PCDH9: variants seen among roughly 807,000 people sequenced by gnomAD.
The protein encoded by PCDH9 is protocadherin 9.
In PCDH9, 24 loss-of-function variants were observed where a neutral mutation model predicts 70.6. That is an observed-to-expected ratio of 0.34 (90% confidence interval 0.25 to 0.48). The LOEUF is 0.48. PCDH9 is among the 20% of genes least tolerant of loss of function. The pLI is 0.99. For missense variants in PCDH9, 1,281 were observed against 1,503.6 expected (o/e 0.85, Z 2.45); for synonymous variants, 562 against 558.5 (o/e 1.01, Z -0.09).
intron 3 of PCDH9, among the ~76,000 whole-genome samples, chr13:66,833,235 A>C (rs900036715): frequency 6.6e-6 from 1 of 152,162 alleles, no homozygotes; most frequent in Non-Finnish European, 1.5e-5. Context: ...TAATATGCCC[A>C]AACTTATTTC....
intron 3 of PCDH9, among the ~76,000 whole-genome samples, chr13:66,678,142 C>A (rs149937028): frequency 6.6e-6 from 1 of 152,070 alleles, no homozygotes; most frequent in African/African-American, 2.4e-5. Context: ...TGTTACGTTA[C>A]AGTTCTCATT....
At chr13:66,848,561 C>G (rs1039095754) in intron 3 of PCDH9, among the ~76,000 whole-genome samples, 1 of 152,080 alleles carries the variant, frequency 6.6e-6, no homozygotes, top group Non-Finnish European at 1.5e-5. Flanking sequence ...ACTCTACAAC[C>G]CAAATCTTAT....
intron 3 of PCDH9, among the ~76,000 whole-genome samples, chr13:66,746,606 G>A (rs1225405419): frequency 6.6e-6 from 1 of 152,024 alleles, no homozygotes; most frequent in African/African-American, 2.4e-5. Context: ...AATACTTTGA[G>A]AAAAGTGAAA....
At chr13:66,871,300 A>T (rs1362246333) in intron 3 of PCDH9, among the ~76,000 whole-genome samples, 1 of 151,876 alleles carries the variant, frequency 6.6e-6, no homozygotes, top group Non-Finnish European at 1.5e-5. Flanking sequence ...ATGACAAGTT[A>T]ATGGGTGCAG....
At chr13:66,884,789 CCCA>C (rs2081981055) in intron 3 of PCDH9, among the ~76,000 whole-genome samples, 1 of 152,000 alleles carries the variant, frequency 6.6e-6, no homozygotes, top group South Asian at 2.1e-4. Context: ...TTTTTCATCT[CCCA>C]AAACATTACT....
chr13:66,785,989 C>T (rs147035072), intron 3 of PCDH9, among the ~76,000 whole-genome samples: 171 of 152,168 alleles, frequency 1.1e-3, no homozygotes, highest in Non-Finnish European at 2.1e-3. Flanking sequence ...GCCTATAGAG[C>T]GCTGCCCAGC....
At chr13:66,920,743 A>T (rs1439707519) in intron 2 of PCDH9, among the ~76,000 whole-genome samples, 3 of 151,230 alleles carry the variant, frequency 2.0e-5, no homozygotes, top group Non-Finnish European at 4.5e-5. Flanking sequence ...CATACTCCAA[A>T]TCAATTATAT....
chr13:67,123,384 C>T (rs996427715), intron 2 of PCDH9, among the ~76,000 whole-genome samples: 18 of 152,172 alleles, frequency 1.2e-4, no homozygotes, highest in African/African-American at 2.7e-4. Context: ...TGCTCCAACA[C>T]GGCAACTCTA....
chr13:66,430,637 C>T (rs1031957219), intron 4 of PCDH9, among the ~76,000 whole-genome samples: 1 of 151,990 alleles, frequency 6.6e-6, no homozygotes, highest in Non-Finnish European at 1.5e-5. Context: ...GCTTCCTTAC[C>T]CTGCTTTCTT....
intron 2 of PCDH9, among the ~76,000 whole-genome samples, chr13:67,052,293 C>G (rs1240429237): frequency 1.3e-5 from 2 of 151,896 alleles, no homozygotes; most frequent in Non-Finnish European, 2.9e-5. Context: ...TATAAGTTAG[C>G]CCTTTAATAA....
At chr13:66,336,365 T>C (rs963663028) in intron 4 of PCDH9, among the ~76,000 whole-genome samples, 4 of 151,922 alleles carry the variant, frequency 2.6e-5, no homozygotes, top group Non-Finnish European at 5.9e-5. Context: ...AAAATCACAA[T>C]AGAGACCTGA....
rs376569898 is a variant in PCDH9, at chr13:66,948,294, G to C, written c.3037-44689C>G. 1.7e-3 allele frequency among the ~76,000 whole-genome samples: 258 copies of C among 152,196 alleles called. 1 individual carries two copies. Among genetic ancestry groups the C allele is most frequent in the African/African-American group, 5.7e-3 (237 of 41,560 alleles). On this transcript the variant is annotated intron_variant, in intron 2 of 4. Transcript: ENST00000377865. ...TCATGCCAGTATAGTTTCTAGAATA[G>C]AGTAGGAATTTAATAGATAGCTTGT... is the stretch of plus-strand genomic sequence containing the variant.
At chr13:67,002,493 C>G (rs369208056) in intron 2 of PCDH9, among the ~76,000 whole-genome samples, 2 of 138,486 alleles carry the variant, frequency 1.4e-5, no homozygotes, top group Admixed American at 1.5e-4. Flanking sequence ...AGTCACTATT[C>G]TGTTTTAAAA....
intron 4 of PCDH9, among the ~76,000 whole-genome samples, chr13:66,427,595 C>T (rs1339554496): frequency 6.6e-6 from 1 of 151,774 alleles, no homozygotes; most frequent in Non-Finnish European, 1.5e-5. Flanking sequence ...ATTTGAATTG[C>T]ATCCTCACAG....
rs117532235 is a variant in PCDH9, at chr13:66,481,737, A to C, written c.3340+149473T>G. ...CACAATGTTGAATTTATTCAAAGTT[A>C]GTTGTAGATCTAATTACAAATATTC... On this transcript the variant is annotated intron_variant, in intron 4 of 4. Transcript: ENST00000377865. 7.9e-3 allele frequency among the ~76,000 whole-genome samples: 1,206 copies of C among 152,292 alleles called. 16 individuals are homozygous for C. Among genetic ancestry groups the C allele is most frequent in the East Asian group, 0.039 (201 of 5,178 alleles).
intron 4 of PCDH9, among the ~76,000 whole-genome samples, chr13:66,353,331 T>C (rs1956323932): frequency 6.6e-6 from 1 of 152,180 alleles, no homozygotes; most frequent in Non-Finnish European, 1.5e-5. Flanking sequence ...TTCAAGAGCA[T>C]ACTTAAAAAG....
At chr13:66,999,477 A>C (rs1019978009) in intron 2 of PCDH9, among the ~76,000 whole-genome samples, 2 of 152,172 alleles carry the variant, frequency 1.3e-5, no homozygotes, top group African/African-American at 4.8e-5. Flanking sequence ...TTAAGAAAAA[A>C]GTTTTTAGTT....
intron 3 of PCDH9, among the ~76,000 whole-genome samples, chr13:66,738,429 G>A (rs1165931781): frequency 6.6e-6 from 1 of 151,774 alleles, no homozygotes; most frequent in Non-Finnish European, 1.5e-5. Context: ...GTAAAACGCA[G>A]AGCGCCTCTC....
At chr13:67,070,112 T>G (rs1325594594) in intron 2 of PCDH9, among the ~76,000 whole-genome samples, 2 of 151,224 alleles carry the variant, frequency 1.3e-5, no homozygotes, top group Non-Finnish European at 2.9e-5. Context: ...TTTAAAAATA[T>G]ATTTTAAATA....
Sources: allele counts gnomAD v4.1 joint callset (sites outside exome capture counted in the v4.1 genomes callset), GRCh38; gene constraint gnomAD v4.1.1; transcripts MANE v1.5; gene names NCBI Gene and HGNC (gene_info 2026-07-23, HGNC 2026-07-21).